CDC42BPA: variants seen among roughly 807,000 people sequenced by gnomAD.
CDC42BPA encodes serine/threonine-protein kinase MRCK alpha.
A neutral mutation model predicts 223.5 loss-of-function variants in CDC42BPA; 80 were observed. The ratio of observed to expected loss-of-function variants is 0.36; its 90% CI spans 0.30 to 0.43. The LOEUF is 0.43. CDC42BPA is among the 20% of genes least tolerant of loss of function. The pLI is 1.00. For missense variants in CDC42BPA, 1,743 were observed against 2,099.9 expected, an observed-to-expected ratio of 0.83 and a Z score of 3.32; for synonymous variants, 694 against 718.6, an observed-to-expected ratio of 0.97 and a Z score of 0.55.
chr1:227,099,207 C>G (rs990017069), intron 15 of CDC42BPA, among the ~76,000 whole-genome samples: 3 of 151,896 alleles, frequency 2.0e-5, no homozygotes, highest in African/African-American at 7.3e-5. Context: ...TACTATACTT[C>G]GTATCGTTAT....
chr1:226,999,625 T>C (rs1432396072), intron 35 of CDC42BPA, among the ~76,000 whole-genome samples: 1 of 152,172 alleles, frequency 6.6e-6, no homozygotes, highest in Non-Finnish European at 1.5e-5. Context: ...TTATAAATCA[T>C]TCTACTATAA....
intron 11 of CDC42BPA, among the ~76,000 whole-genome samples, chr1:227,126,438 T>C (rs576708335): frequency 1.4e-5 from 2 of 143,100 alleles, no homozygotes; most frequent in South Asian, 4.4e-4. Flanking sequence ...ACCAGCTACG[T>C]TGACAGAGAA....
intron 5 of CDC42BPA, among the ~76,000 whole-genome samples, chr1:227,181,883 C>T (rs1667999305): frequency 6.6e-6 from 1 of 152,162 alleles, no homozygotes; most frequent in African/African-American, 2.4e-5. Context: ...ATATTACTTA[C>T]ATAAAAGCAG....
chr1:227,121,869 C>T (rs1377504903), intron 11 of CDC42BPA, among the ~76,000 whole-genome samples: 6 of 145,946 alleles, frequency 4.1e-5, no homozygotes, highest in African/African-American at 1.0e-4. Flanking sequence ...GGTGTGATAT[C>T]GGCTCACTGC....
chr1:227,111,399 TATA>T (rs1038488037), intron 14 of CDC42BPA, among the ~76,000 whole-genome samples: 3 of 152,230 alleles, frequency 2.0e-5, no homozygotes, highest in Admixed American at 6.5e-5. Flanking sequence ...ACTGAACACT[TATA>T]ATGTGTCAGC....
At chr1:227,027,535 G>GT (rs1374308751) in intron 30 of CDC42BPA, among the ~76,000 whole-genome samples, 1 of 151,942 alleles carries the variant, frequency 6.6e-6, no homozygotes, top group Non-Finnish European at 1.5e-5. Context: ...GTTCCCTAGG[G>GT]TTTTTTTTCC....
rs569879499 is a variant in CDC42BPA, at chr1:227,129,666, C to CAAAAAAAAAAAAAAAAAAAA, written c.1391-455_1391-436dup. On this transcript the variant is annotated intron_variant, in intron 10 of 36. Transcript: ENST00000366766. ...TGGGAGACAAAGTGAGACTGTATCT[C>CAAAAAAAAAAAAAAAAAAAA]AAAAAAAAAAAAAAAAAAAAAAAAA... Among the ~76,000 whole-genome samples the CAAAAAAAAAAAAAAAAAAAA allele has an allele frequency of 1.5e-4, 5 of 33,918 alleles. 1 individual carries two copies. Among genetic ancestry groups the CAAAAAAAAAAAAAAAAAAAA allele is most frequent in the Admixed American group, 5.3e-4 (1 of 1,888 alleles). 22.3% of individuals were successfully genotyped at this position (33,918 alleles called of 152,430 possible). A position where few individuals can be genotyped will look rare whatever the true frequency, so the allele number is the denominator to read the frequency against.
intron 1 of CDC42BPA, among the ~76,000 whole-genome samples, chr1:227,301,255 C>T (rs1197704102): frequency 6.6e-6 from 1 of 152,192 alleles, no homozygotes; most frequent in Non-Finnish European, 1.5e-5. Context: ...TTTCCCATTC[C>T]CTCTATCCAG....
intron 1 of CDC42BPA, among the ~76,000 whole-genome samples, chr1:227,272,563 A>G (rs937124408): frequency 6.6e-6 from 1 of 152,166 alleles, no homozygotes; most frequent in Non-Finnish European, 1.5e-5. Flanking sequence ...AAAGAACACT[A>G]TAATAGAAAA....
chr1:227,126,026 C>A (rs1013235962), intron 11 of CDC42BPA, among the ~76,000 whole-genome samples: 2 of 151,992 alleles, frequency 1.3e-5, no homozygotes, highest in African/African-American at 4.8e-5. Context: ...CAGTTCTACA[C>A]CACACCCAAG....
At chr1:226,997,673 A>G (rs1661921769) in intron 35 of CDC42BPA, among the ~76,000 whole-genome samples, 1 of 152,186 alleles carries the variant, frequency 6.6e-6, no homozygotes. Context: ...TTGGTCTTAA[A>G]GAACTTATTT....
At chr1:227,275,505 A>C (rs1686783538) in intron 1 of CDC42BPA, among the ~76,000 whole-genome samples, 1 of 144,722 alleles carries the variant, frequency 6.9e-6, no homozygotes, top group African/African-American at 2.6e-5. Flanking sequence ...AAAATTCACA[A>C]GATTGATAAA....
At chr1:227,301,509 G>A (rs1458468270) in intron 1 of CDC42BPA, among the ~76,000 whole-genome samples, 1 of 152,018 alleles carries the variant, frequency 6.6e-6, no homozygotes, top group Non-Finnish European at 1.5e-5. Flanking sequence ...ACAGGCATGT[G>A]CCACCATGCC....
intron 9 of CDC42BPA, among the ~76,000 whole-genome samples, chr1:227,142,688 C>T (rs1271934184): frequency 2.0e-5 from 3 of 151,856 alleles, no homozygotes; most frequent in Non-Finnish European, 1.5e-5. Context: ...GGCGCAGTCT[C>T]GGCTCACTGC....
At chr1:227,159,767 C>G (rs1546556) in intron 6 of CDC42BPA, among the ~76,000 whole-genome samples, 103,784 of 151,870 alleles carry the variant, frequency 0.68, 35,650 homozygotes, top group South Asian at 0.73. Context: ...CTCAAGTGAT[C>G]CTCTTGCCTC....
chr1:227,108,409 G>GTTT (rs79626494), intron 14 of CDC42BPA, among the ~76,000 whole-genome samples: 8,559 of 149,534 alleles, frequency 0.057, 793 homozygotes, highest in African/African-American at 0.2. Flanking sequence ...AGCATTCCAG[G>GTTT]TTTTTTTTTT....
chr1:227,249,686 A>G lies in CDC42BPA; in HGVS notation c.270+4378T>C, dbSNP rs1240195171. On this transcript the variant is annotated intron_variant, in intron 2 of 36. Transcript: ENST00000366766. The stretch of plus-strand genomic sequence containing the variant: ...AAAGACATACGAATGGCAAACAGGC[A>G]TATGAAAAAAGTGGTCAACATCACT... Among the ~76,000 whole-genome samples the G allele has an allele frequency of 3.3e-5, 5 of 152,262 alleles. No homozygotes were observed. In the South Asian group the frequency reaches 8.3e-4, roughly 25 times the overall value.
At chr1:227,124,858 G>A (rs1054241267) in intron 11 of CDC42BPA, among the ~76,000 whole-genome samples, 9 of 151,880 alleles carry the variant, frequency 5.9e-5, no homozygotes, top group Non-Finnish European at 1.0e-4. Flanking sequence ...TGGGAAGAAG[G>A]AATAGATATA....
At chr1:227,143,770 ATTGATCAG>A (rs1660144889) in intron 8 of CDC42BPA, among the ~76,000 whole-genome samples, 1 of 152,238 alleles carries the variant, frequency 6.6e-6, no homozygotes, top group Admixed American at 6.5e-5. Context: ...AAGACTATAT[ATTGATCAG>A]TTGATCAGAG....
Sources: gnomAD v4.1 joint callset for allele counts (sites outside exome capture counted in the v4.1 genomes callset) on GRCh38, gnomAD v4.1.1 for gene constraint, MANE v1.5 for transcripts, NCBI Gene and HGNC (gene_info 2026-07-23, HGNC 2026-07-21) for gene names.